The following CCDC91 variants were observed in gnomAD, a reference collection of about 807,000 sequenced individuals.
CCDC91 encodes the protein coiled-coil domain-containing protein 91.
In CCDC91, 48 loss-of-function variants were observed where a neutral mutation model predicts 63.2. The observed-to-expected ratio is 0.76, with a 90% CI of 0.60 to 0.97. The LOEUF is 0.97. Ranked by LOEUF, CCDC91 falls within the 50% of genes least tolerant of loss-of-function variation. CCDC91 has a pLI of 0.00. For missense variants in CCDC91, 500 were observed against 494.6 expected (o/e 1.01, Z -0.10); for synonymous variants, 167 against 165.8 (o/e 1.01, Z -0.06).
chr12:28,327,565 C>T (rs1329214488), intron 6 of CCDC91, among the ~76,000 whole-genome samples: 1 of 152,108 alleles, frequency 6.6e-6, no homozygotes, highest in East Asian at 1.9e-4. Flanking sequence ...TCTATAAAAG[C>T]CCATGTACTT....
At chr12:28,393,538 T>C (rs1301003220) in intron 8 of CCDC91, among the ~76,000 whole-genome samples, 3 of 152,192 alleles carry the variant, frequency 2.0e-5, no homozygotes, top group Admixed American at 2.0e-4. Flanking sequence ...AGAAATCTTG[T>C]CTCTTTTCCC....
At chr12:28,448,467 T>C (rs1949644140) in intron 8 of CCDC91, among the ~76,000 whole-genome samples, 1 of 152,176 alleles carries the variant, frequency 6.6e-6, no homozygotes, top group African/African-American at 2.4e-5. Flanking sequence ...GCTCAAAAAT[T>C]GTCTTCTGTT....
At chr12:28,212,064 T>C (rs1022474909) in intron 1 of CCDC91, among the ~76,000 whole-genome samples, 3 of 152,182 alleles carry the variant, frequency 2.0e-5, no homozygotes, top group African/African-American at 4.8e-5. Context: ...CATGGAGTTC[T>C]GAAATCCAAG....
intron 12 of CCDC91, among the ~76,000 whole-genome samples, chr12:28,511,077 C>T (rs549171583): frequency 6.6e-6 from 1 of 151,900 alleles, no homozygotes; most frequent in African/African-American, 2.4e-5. Context: ...AGCTTACCAC[C>T]TTTCTTCACT....
chr12:28,266,519 T>A (rs1413651004), intron 3 of CCDC91, among the ~76,000 whole-genome samples: 1 of 151,966 alleles, frequency 6.6e-6, no homozygotes, highest in African/African-American at 2.4e-5. Context: ...ATCTAATAAA[T>A]TACGGTGGTT....
intron 3 of CCDC91, among the ~76,000 whole-genome samples, chr12:28,282,080 A>G (rs1048838321): frequency 6.6e-6 from 1 of 152,206 alleles, no homozygotes; most frequent in African/African-American, 2.4e-5. Flanking sequence ...CAAAAAGGAT[A>G]ACTAAAAGAA....
rs1947835558 is a variant in CCDC91 at position 28,418,843 on chromosome 12, C to G, written c.762+27432C>G. Among the ~76,000 whole-genome samples the G allele has an allele frequency of 2.6e-5, 4 of 152,022 alleles. No homozygotes were observed. In the South Asian group the frequency reaches 8.3e-4, roughly 31 times the overall value. ...CAAAATGTTTGTTGAGAGCTTTATT[C>G]TGGCCATTATGAAATTTAAAGTTGA... On this transcript the variant is annotated intron_variant, in intron 8 of 12. Transcript: ENST00000536442.
At chr12:28,432,344 C>T (rs1434348036) in intron 8 of CCDC91, among the ~76,000 whole-genome samples, 1 of 152,060 alleles carries the variant, frequency 6.6e-6, no homozygotes, top group Non-Finnish European at 1.5e-5. Context: ...CACCTCCTGT[C>T]TAGGGAGGGA....
chr12:28,238,535 A>G (rs1394018546), intron 1 of CCDC91, among the ~76,000 whole-genome samples: 1 of 152,164 alleles, frequency 6.6e-6, no homozygotes, highest in Non-Finnish European at 1.5e-5. Flanking sequence ...TTAAAAAAAT[A>G]TATTTATACC....
At chr12:28,276,219 G>A (rs1483156488) in intron 3 of CCDC91, among the ~76,000 whole-genome samples, 2 of 151,930 alleles carry the variant, frequency 1.3e-5, no homozygotes, top group African/African-American at 4.8e-5. Context: ...GTTTGTGTGT[G>A]TATATTTAAT....
chr12:28,305,584 A>G (rs1285440065), intron 3 of CCDC91, 65 bp from the exon 4 acceptor site: 1 of 1,374,612 alleles, frequency 7.3e-7, no homozygotes, highest in African/African-American at 1.5e-5. Context: ...CTTCCTTTCA[A>G]CCTGTTCCCT....
chr12:28,537,980 A>G (rs1050867740), intron 12 of CCDC91, among the ~76,000 whole-genome samples: 1 of 152,206 alleles, frequency 6.6e-6, no homozygotes, highest in African/African-American at 2.4e-5. Context: ...TACATATTAG[A>G]GAGGCAACTG....
At chr12:28,304,207 T>A (rs2137042353) in intron 3 of CCDC91, among the ~76,000 whole-genome samples, 1 of 151,268 alleles carries the variant, frequency 6.6e-6, no homozygotes, top group South Asian at 2.1e-4. Flanking sequence ...TGAAACCCCA[T>A]CTCTACTAAA....
At chr12:28,452,990 G>A (rs773902016) in intron 11 of CCDC91, among the ~76,000 whole-genome samples, 2 of 151,536 alleles carry the variant, frequency 1.3e-5, no homozygotes, top group Admixed American at 6.6e-5. Flanking sequence ...AGACACATAC[G>A]CACACATGCA....
chr12:28,534,406 C>T (rs183507215), intron 12 of CCDC91, among the ~76,000 whole-genome samples: 37 of 152,188 alleles, frequency 2.4e-4, no homozygotes, highest in Middle Eastern at 3.4e-3. Flanking sequence ...ATATAAGGAA[C>T]CTTGTAGAGG....
intron 3 of CCDC91, among the ~76,000 whole-genome samples, chr12:28,286,913 G>A (rs1948948292): frequency 6.6e-6 from 1 of 152,098 alleles, no homozygotes; most frequent in Non-Finnish European, 1.5e-5. Flanking sequence ...CATTATGACT[G>A]GTATGAAATA....
At chr12:28,506,993 A>G (rs1184812123) in intron 12 of CCDC91, among the ~76,000 whole-genome samples, 1 of 151,960 alleles carries the variant, frequency 6.6e-6, no homozygotes, top group African/African-American at 2.4e-5. Context: ...GTGTAAATGC[A>G]GAATTCATAT....
intron 12 of CCDC91, among the ~76,000 whole-genome samples, chr12:28,514,813 T>C (rs1939762514): frequency 6.6e-6 from 1 of 151,932 alleles, no homozygotes. Flanking sequence ...TGAGGCTTTA[T>C]TTCTGGGCTC....
chr12:28,370,514 T>C (rs1944550261), intron 7 of CCDC91, among the ~76,000 whole-genome samples: 1 of 152,194 alleles, frequency 6.6e-6, no homozygotes, highest in South Asian at 2.1e-4. Flanking sequence ...CTCCAGGAAG[T>C]TACAAACTTT....
Sources: gnomAD v4.1 joint callset for allele counts (sites outside exome capture counted in the v4.1 genomes callset) on GRCh38, gnomAD v4.1.1 for gene constraint, MANE v1.5 for transcripts, NCBI Gene and HGNC (gene_info 2026-07-23, HGNC 2026-07-21) for gene names.